The following WRNIP1 variants were observed in gnomAD, a reference collection of about 807,000 sequenced individuals.
The protein encoded by WRNIP1 is WRN helicase interacting protein 1, also known as ATPase WRNIP1.
Under a neutral mutation model 56.1 loss-of-function variants are expected in WRNIP1, and 41 were observed. That is an observed-to-expected ratio of 0.73 (90% CI 0.57 to 0.95). WRNIP1 has a LOEUF of 0.95. WRNIP1 is among the 40% of genes least tolerant of loss of function. The probability of loss-of-function intolerance (pLI) is 0.00; values close to 1 mark genes in which losing one functional copy is unlikely to be tolerated. For synonymous variants in WRNIP1, 547 were observed against 398.1 expected, an observed-to-expected ratio of 1.37 and a Z score of -4.45; for missense variants, 1,170 against 939.4, an observed-to-expected ratio of 1.25 and a Z score of -3.21.
At position 2,785,109 on chromosome 6, in the gene WRNIP1, G is replaced by A; in HGVS notation, c.1825G>A (p.Gly609Arg). Residue 609 changes from glycine to arginine, a missense_variant, in exon 7 of 7, where the codon GGG becomes AGG. By Grantham distance (125) the Gly-to-Arg change is moderately radical. Coordinates refer to ENST00000380773, the MANE Select transcript of WRNIP1 (RefSeq NM_020135.3). ...CAAAGCCTGCCTGAGGAACCACCAG[G>A]GGCCACTGCCCCCCGTGCCCCTGCA... ...NVKACLRNHQ[G>R]PLPPVPLHLR... 1.9e-6 allele frequency: 3 copies of A among 1,614,202 alleles called. No individual in the cohort carries two copies. The highest frequency in any genetic ancestry group is 2.5e-6 in the Non-Finnish European group (3 of 1,180,032).
rs777375350 is a variant in WRNIP1, at chr6:2,779,469, C to T, written c.1463C>T (p.Ser488Phe). Reference protein sequence around the residue: ...ENDVKEGLQRSHILYDRAGEE... With the variant: ...ENDVKEGLQRFHILYDRAGEE... ...GACGTGAAGGAGGGCCTACAGCGATCCCACATTTTATATGACCGGGCAGGT... is the reference window on the plus strand; with the variant it reads ...GACGTGAAGGAGGGCCTACAGCGATTCCACATTTTATATGACCGGGCAGGT... Residue 488 changes from serine (S) to phenylalanine (F), a missense_variant, in exon 4 of 7, where the codon TCC becomes TTC. Physicochemically the swap from Ser to Phe is radical, Grantham distance 155 (BLOSUM62 -2). Coordinates refer to ENST00000380773, the MANE Select transcript of WRNIP1 (RefSeq NM_020135.3). 1.2e-6 allele frequency: 2 copies of T among 1,613,994 alleles called. No homozygotes were observed. The highest frequency in any genetic ancestry group is 2.2e-5 in the South Asian group (2 of 91,044).
chr6:2,781,543 C>T (rs1481774776), intron 4 of WRNIP1, among the ~76,000 whole-genome samples: 1 of 152,202 alleles, frequency 6.6e-6, no homozygotes, highest in Non-Finnish European at 1.5e-5. Context: ...CAAAGACCCA[C>T]CCCCAGAGTT....
chr6:2,765,463 A>C lies in WRNIP1; in HGVS notation c.-160A>C, dbSNP rs67462420. On this transcript the variant is annotated 5_prime_UTR_variant, in exon 1 of 7. Coordinates refer to ENST00000380773, the MANE Select transcript of WRNIP1 (RefSeq NM_020135.3). The stretch of plus-strand genomic sequence containing the variant: ...GGGCGGGCGGACGCGGGAGCTGCGG[A>C]CGTGAGGCATGAGCGGCGCCCTCCT... 12 of 864,872 alleles carry C rather than the reference A, an allele frequency of 1.4e-5. No homozygotes were observed. The highest frequency in any genetic ancestry group is 1.2e-4 in the East Asian group (3 of 25,728). 53.6% of individuals were successfully genotyped at this position (864,872 alleles called of 1,614,324 possible).
At chr6:2,769,572 C>G (rs1459360767) in intron 2 of WRNIP1, among the ~76,000 whole-genome samples, 1 of 151,950 alleles carries the variant, frequency 6.6e-6, no homozygotes. Flanking sequence ...TTTTTTGAAC[C>G]TTTTTGAATA....
chr6:2,782,603 C>G (rs1476662720), intron 4 of WRNIP1, among the ~76,000 whole-genome samples: 1 of 152,202 alleles, frequency 6.6e-6, no homozygotes, highest in African/African-American at 2.4e-5. Context: ...AGGAGGGTGC[C>G]CCCTCCTTGA....
chr6:2,766,148 G>C lies in WRNIP1; in HGVS notation c.526G>C (p.Gly176Arg). 3.8e-6 allele frequency: 5 copies of C among 1,328,106 alleles called. No individual in the cohort carries two copies. The highest frequency in any genetic ancestry group is 4.8e-6 in the Non-Finnish European group (5 of 1,046,078). 82.3% of individuals were successfully genotyped at this position (1,328,106 alleles called of 1,614,324 possible). A position where few individuals can be genotyped will look rare whatever the true frequency, so the allele number is the denominator to read the frequency against. Reference protein sequence around the residue: ...EEAVGDGDGDGDADADGEDDP... With the variant: ...EEAVGDGDGDRDADADGEDDP... ...GGCCGTGGGCGACGGCGATGGCGAC[G>C]GGGACGCGGACGCGGACGGCGAGGA... Residue 176 changes from glycine (G) to arginine (R), a missense_variant, in exon 1 of 7, where the codon GGG becomes CGG. Gly to Arg is a moderately radical substitution (Grantham distance 125, BLOSUM62 -2). Transcript: ENST00000380773.
rs574940426 is a variant in WRNIP1, at chr6:2,781,143, C to G, written c.1486+1651C>G. Among the ~76,000 whole-genome samples, 43 of 152,324 alleles carry G rather than the reference C, an allele frequency of 2.8e-4. No homozygotes were observed. In the South Asian group the frequency reaches 8.5e-3, roughly 30 times the overall value. ...TACATCATGCTCCTGAGAGGGGTCACCCGTCCATGCACATACAGAGCGGAT... is the reference window on the plus strand; with the variant it reads ...TACATCATGCTCCTGAGAGGGGTCAGCCGTCCATGCACATACAGAGCGGAT... On this transcript the variant is annotated intron_variant, in intron 4 of 6. Transcript: ENST00000380773.
intron 3 of WRNIP1, among the ~76,000 whole-genome samples, chr6:2,770,716 G>A (rs977249581): frequency 4.6e-5 from 7 of 152,028 alleles, no homozygotes; most frequent in African/African-American, 1.4e-4. Flanking sequence ...AGAACAAATA[G>A]ATAGATAAAT....
chr6:2,779,014 G>A (rs553296556), intron 3 of WRNIP1, among the ~76,000 whole-genome samples: 2 of 152,308 alleles, frequency 1.3e-5, no homozygotes, highest in African/African-American at 2.4e-5. Flanking sequence ...CACAGACTTA[G>A]ATGTATGAAC....
At chr6:2,776,137 A>G (rs1401111611) in intron 3 of WRNIP1, among the ~76,000 whole-genome samples, 1 of 152,186 alleles carries the variant, frequency 6.6e-6, no homozygotes, top group East Asian at 1.9e-4. Context: ...TCCCTTCATC[A>G]TTCTTGGCAT....
intron 4 of WRNIP1, among the ~76,000 whole-genome samples, chr6:2,782,970 C>CA (rs1246562934): frequency 2.0e-5 from 3 of 152,218 alleles, no homozygotes; most frequent in Non-Finnish European, 2.9e-5. Flanking sequence ...TGGGCTATAA[C>CA]AGCTGCCCTT....
At position 2,766,031 on chromosome 6, in the gene WRNIP1, A is replaced by G. The variant is rs1304881371; in HGVS notation, c.409A>G (p.Lys137Glu). The G allele has an allele frequency of 1.5e-6, 2 of 1,315,536 alleles. No homozygotes were observed. Among genetic ancestry groups the G allele is most frequent in the African/African-American group, 3.1e-5 (2 of 64,802 alleles). 81.5% of individuals were successfully genotyped at this position (1,315,536 alleles called of 1,614,324 possible). A position where few individuals can be genotyped will look rare whatever the true frequency, so the allele number is the denominator to read the frequency against. The change falls in exon 1 of 7, where the codon AAG (lysine) becomes GAG (glutamate). Residue 137 changes from lysine to glutamate, a missense_variant. Coordinates refer to ENST00000380773, the MANE Select transcript of WRNIP1 (RefSeq NM_020135.3). ...PVARSSSPGR[K>E]GSGKRPAAAA... ...GGCCCGCTCCAGCAGCCCCGGGAGG[A>G]AGGGGTCGGGGAAGAGGCCGGCGGC...
rs530522659 is a variant in WRNIP1, at chr6:2,782,904, A to G, written c.1487-502A>G. ...CCAAGGCTGGCAGAAGGAGGTTTAA[A>G]TGACCACAGGCTTCGGATATCAGAA... On this transcript the variant is annotated intron_variant, in intron 4 of 6. Transcript: ENST00000380773. Among the ~76,000 whole-genome samples, 600 of 152,304 alleles carry G rather than the reference A, an allele frequency of 3.9e-3. 4 individuals carry two copies. Among genetic ancestry groups the G allele is most frequent in the African/African-American group, 0.014 (575 of 41,558 alleles).
rs778889535 is a variant in WRNIP1, at chr6:2,768,811, G to C, written c.943G>C (p.Glu315Gln). The C allele has an allele frequency of 6.2e-7, 1 of 1,613,818 alleles. No homozygotes were observed. ...AGATGTCATAAAACAAGCTCAAAAT[G>C]AAAAGAGCTTTTTCAAAAGGAAAAC... is the stretch of plus-strand genomic sequence containing the variant. ...VRDVIKQAQN[E>Q]KSFFKRKTIL... Residue 315 changes from glutamate (E) to glutamine (Q), a missense_variant, in exon 2 of 7, where the codon GAA (glutamate) becomes CAA (glutamine). Physicochemically the swap from Glu to Gln is conservative, Grantham distance 29. Coordinates refer to ENST00000380773, the MANE Select transcript of WRNIP1 (RefSeq NM_020135.3).
rs994303026 is a variant in WRNIP1, at chr6:2,766,249, C to T, written c.627C>T (p.His209=). The change falls in exon 1 of 7, where the codon CAC becomes CAT. Residue 209 remains histidine (H), a synonymous_variant. Transcript: ENST00000380773. The part of the protein sequence containing the change: ...AFGASGGGRP[H]PRALAAEEIR... ...GGGCCAGTGGCGGGGGCCGCCCGCACCCCCGGGCGCTGGCTGCCGAGGAGA... is the reference window on the plus strand; with the variant it reads ...GGGCCAGTGGCGGGGGCCGCCCGCATCCCCGGGCGCTGGCTGCCGAGGAGA... The T allele has an allele frequency of 6.6e-6, 10 of 1,509,314 alleles. No individual in the cohort carries two copies. Among genetic ancestry groups the T allele is most frequent in the African/African-American group, 5.6e-5 (4 of 71,298 alleles). The allele number at this position is 1,509,314 out of a possible 1,614,324, so 93.5% of individuals were successfully genotyped here. A position where few individuals can be genotyped will look rare whatever the true frequency, so the allele number is the denominator to read the frequency against.
chr6:2,768,867 C>A lies in WRNIP1; in HGVS notation c.999C>A (p.Phe333Leu). ...TTTTTATTGATGAGATTCATCGGTT[C>A]AATAAATCTCAGCAGGTATATTAAC... Reference protein sequence around the residue: ...TILFIDEIHRFNKSQQDTFLP... With the variant: ...TILFIDEIHRLNKSQQDTFLP... The change falls in exon 2 of 7, where the codon TTC (phenylalanine) becomes TTA (leucine). Residue 333 changes from phenylalanine (F) to leucine (L), a missense_variant. Physicochemically the swap from Phe to Leu is conservative, Grantham distance 22 (BLOSUM62 0). Transcript: ENST00000380773. The A allele has an allele frequency of 6.2e-7, 1 of 1,610,316 alleles. No individual in the cohort carries two copies. Among genetic ancestry groups the A allele is most frequent in the South Asian group, 1.1e-5 (1 of 90,604 alleles).
Sources: gnomAD v4.1 joint callset for allele counts (sites outside exome capture counted in the v4.1 genomes callset) on GRCh38, gnomAD v4.1.1 for gene constraint, MANE v1.5 for transcripts, NCBI Gene and HGNC (gene_info 2026-07-23, HGNC 2026-07-21) for gene names.